The following ATP8B1 variants were observed in gnomAD, a reference collection of about 807,000 sequenced individuals.
ATP8B1 encodes the protein ATPase phospholipid transporting 8B1.
In ATP8B1, 80 loss-of-function variants were observed where a neutral mutation model predicts 149.9. The ratio of observed to expected loss-of-function variants is 0.53; its 90% CI spans 0.45 to 0.64. The LOEUF is 0.64. Among genes scored for constraint, ATP8B1 ranks in the 30% least tolerant of loss-of-function variants. The pLI, the probability that ATP8B1 is intolerant of heterozygous loss-of-function variation, is 0.00. For synonymous variants in ATP8B1, 536 were observed against 562.8 expected (o/e 0.95, Z 0.67); for missense variants, 1,247 against 1,552.6 (o/e 0.80, Z 3.31).
intron 1 of ATP8B1, among the ~76,000 whole-genome samples, chr18:57,743,633 G>A (rs757020571): frequency 1.3e-5 from 2 of 152,106 alleles, no homozygotes; most frequent in East Asian, 3.9e-4. Context: ...AACCTCAGAG[G>A]CAGGAAAATG....
At chr18:57,792,451 A>G (rs1009660113) in intron 1 of ATP8B1, among the ~76,000 whole-genome samples, 1 of 152,084 alleles carries the variant, frequency 6.6e-6, no homozygotes, top group African/African-American at 2.4e-5. Flanking sequence ...CCCGACCGTA[A>G]TATACATGAA....
At chr18:57,661,695 A>ACC (rs1910438062) in intron 21 of ATP8B1, among the ~76,000 whole-genome samples, 1 of 89,542 alleles carries the variant, frequency 1.1e-5, no homozygotes, top group Non-Finnish European at 2.1e-5. Flanking sequence ...ACACACACAC[A>ACC]CATATATATA....
chr18:57,752,169 G>A (rs1276066664), intron 1 of ATP8B1, among the ~76,000 whole-genome samples: 1 of 150,756 alleles, frequency 6.6e-6, no homozygotes, highest in East Asian at 1.9e-4. Flanking sequence ...ACTGCACCAC[G>A]GCACTCCAGC....
intron 4 of ATP8B1, among the ~76,000 whole-genome samples, chr18:57,704,133 A>AT (rs1913269054): frequency 6.6e-6 from 1 of 151,894 alleles, no homozygotes; most frequent in Non-Finnish European, 1.5e-5. Context: ...CGCCTGGCTA[A>AT]TTTTTTGTAT....
At chr18:57,775,187 T>C (rs910399241) in intron 1 of ATP8B1, among the ~76,000 whole-genome samples, 9 of 152,116 alleles carry the variant, frequency 5.9e-5, no homozygotes, top group African/African-American at 2.2e-4. Flanking sequence ...CGTGGTGGCA[T>C]GTGCCTGTAG....
intron 1 of ATP8B1, among the ~76,000 whole-genome samples, chr18:57,748,155 T>C (rs2079981978): frequency 1.3e-5 from 2 of 152,192 alleles, no homozygotes; most frequent in Non-Finnish European, 2.9e-5. Flanking sequence ...AGGATGATGG[T>C]GGCGTGCGTT....
At chr18:57,679,856 G>A (rs1185461554) in intron 15 of ATP8B1, among the ~76,000 whole-genome samples, 9 of 151,990 alleles carry the variant, frequency 5.9e-5, no homozygotes, top group African/African-American at 2.2e-4. Flanking sequence ...GTAGAGGTGG[G>A]GTTTCACAAT....
At chr18:57,663,679 G>A (rs1383666383) in intron 20 of ATP8B1, among the ~76,000 whole-genome samples, 1 of 151,390 alleles carries the variant, frequency 6.6e-6, no homozygotes, top group Non-Finnish European at 1.5e-5. Flanking sequence ...CTAATGATTA[G>A]TGATGATGAG....
chr18:57,688,507 G>T lies in ATP8B1; in HGVS notation c.1221C>A (p.Ser407Arg). 1 of 1,614,032 alleles carries T rather than the reference G, an allele frequency of 6.2e-7. No individual in the cohort carries two copies. Among genetic ancestry groups the T allele is most frequent in the East Asian group, 2.2e-5 (1 of 44,880 alleles). Reference sequence around the variant, plus strand: ...TCTGTCCAAGACGAATCACTTCCACGCTAGGAAGACAGAAGATTATTTTCC... The same window carrying T: ...TCTGTCCAAGACGAATCACTTCCACTCTAGGAAGACAGAAGATTATTTTCC... Reference protein sequence around the residue: ...NTMVPISLYVSVEVIRLGQSH... With the variant: ...NTMVPISLYVRVEVIRLGQSH... The change falls in exon 13 of 28, where the codon AGC (serine) becomes AGA (arginine). Residue 407 changes from serine (S) to arginine (R), a missense_variant and splice_region_variant. By Grantham distance (110) the Ser-to-Arg change is moderately radical. This residue lies in a region of ATP8B1 where 853 missense variants were observed against 1,035.7 expected (regional missense o/e 0.82). Coordinates refer to ENST00000648908, the MANE Select transcript of ATP8B1 (RefSeq NM_001374385.1).
intron 1 of ATP8B1, among the ~76,000 whole-genome samples, chr18:57,791,330 TTTTTCTTTTTC>T (rs1231062849): frequency 6.7e-6 from 1 of 150,270 alleles, no homozygotes; most frequent in East Asian, 1.9e-4. Flanking sequence ...TTTCCTTCCT[TTTTTCTTTTTC>T]TTTTCTTTTC....
chr18:57,752,501 G>A (rs1213858936), intron 1 of ATP8B1, among the ~76,000 whole-genome samples: 2 of 152,158 alleles, frequency 1.3e-5, no homozygotes, highest in African/African-American at 4.8e-5. Flanking sequence ...AAAGCCCTTA[G>A]TAGCATGCAC....
At chr18:57,776,867 T>C (rs970035804) in intron 1 of ATP8B1, among the ~76,000 whole-genome samples, 1 of 152,036 alleles carries the variant, frequency 6.6e-6, no homozygotes, top group Admixed American at 6.6e-5. Context: ...TGTGGAAGCT[T>C]CTTCAAAAGC....
intron 20 of ATP8B1, 85 bp from the exon 21 acceptor site, chr18:57,662,700 T>C (rs762232761): frequency 1.3e-6 from 2 of 1,485,418 alleles, no homozygotes; most frequent in Non-Finnish European, 1.8e-6. Flanking sequence ...TAAAAAAAAT[T>C]GTGACAAAAA....
intron 1 of ATP8B1, among the ~76,000 whole-genome samples, chr18:57,774,434 C>G (rs368140733): frequency 2.0e-5 from 3 of 152,248 alleles, no homozygotes; most frequent in African/African-American, 7.2e-5. Flanking sequence ...CCCGTCTCTA[C>G]AAAAATACAA....
At chr18:57,791,642 C>T (rs537140007) in intron 1 of ATP8B1, among the ~76,000 whole-genome samples, 52 of 152,168 alleles carry the variant, frequency 3.4e-4, no homozygotes, top group African/African-American at 1.2e-3. Context: ...CCGTGCTCAG[C>T]GAAAATTTCC....
Position 57,780,763 on chromosome 18 carries a change from G to A in ATP8B1, c.-26+22235C>T, listed in dbSNP as rs532088800. On this transcript the variant is annotated intron_variant, in intron 1 of 27. Transcript: ENST00000648908. Reference sequence around the variant, plus strand: ...ATGTAAAAAACTTTTATTTTTTTCTGTGGACAGTTTCACCCCAACAGAAGG... The same window carrying A: ...ATGTAAAAAACTTTTATTTTTTTCTATGGACAGTTTCACCCCAACAGAAGG... Among the ~76,000 whole-genome samples, 6 of 152,256 alleles carry A rather than the reference G, an allele frequency of 3.9e-5. No individual in the cohort carries two copies. The South Asian group carries it at 1.2e-3, about 32-fold the overall frequency.
At chr18:57,753,489 G>A (rs1255634268) in intron 1 of ATP8B1, among the ~76,000 whole-genome samples, 2 of 152,332 alleles carry the variant, frequency 1.3e-5, no homozygotes, top group African/African-American at 2.4e-5. Flanking sequence ...TTAACATGAG[G>A]TCACCACTGT....
At position 57,775,871 on chromosome 18, in the gene ATP8B1, C is replaced by T. The variant is rs1421988073; in HGVS notation, c.-26+27127G>A. 7.2e-5 allele frequency among the ~76,000 whole-genome samples: 11 copies of T among 152,172 alleles called. No individual in the cohort carries two copies. In the South Asian group the frequency reaches 1.5e-3, roughly 20 times the overall value. On this transcript the variant is annotated intron_variant, in intron 1 of 27. Coordinates refer to ENST00000648908, the MANE Select transcript of ATP8B1 (RefSeq NM_001374385.1). ...ATTGATCAGGCTGGTCTCAAACTCC[C>T]GACCTCAGGTGATCCGCCTGCCTTG...
At chr18:57,737,705 G>A (rs573709447) in intron 1 of ATP8B1, 1 of 152,166 alleles carries the variant, frequency 6.6e-6, no homozygotes, top group Non-Finnish European at 1.5e-5. Flanking sequence ...GGCATTAAGT[G>A]CATTTATACA....
Sources: gnomAD v4.1 joint callset for allele counts (sites outside exome capture counted in the v4.1 genomes callset) on GRCh38, gnomAD v4.1.1 for gene constraint, gnomAD v4.1.1 regional missense constraint, MANE v1.5 for transcripts, NCBI Gene and HGNC (gene_info 2026-07-23, HGNC 2026-07-21) for gene names.